The following CEP250 variants were observed in gnomAD, a reference collection of about 807,000 sequenced individuals.
The protein encoded by CEP250 is centrosome-associated protein CEP250.
Under a neutral mutation model 315.7 loss-of-function variants are expected in CEP250, and 242 were observed. The observed-to-expected ratio is 0.77, with a 90% CI of 0.69 to 0.85. CEP250 has a LOEUF of 0.85. CEP250 is among the 40% of genes least tolerant of loss of function. The pLI is 0.00. For missense variants in CEP250, 2,515 were observed against 2,886.4 expected (o/e 0.87, Z 2.95); for synonymous variants, 1,088 against 1,175.0 (o/e 0.93, Z 1.51).
intron 17 of CEP250, among the ~76,000 whole-genome samples, 181 bp downstream of exon 17, chr20:35,478,282 T>C (rs1229126354): frequency 2.0e-5 from 3 of 152,122 alleles, no homozygotes. Flanking sequence ...AATTCTTCAC[T>C]GAGGCTGGGC....
rs184496188 is a variant in CEP250 at position 35,469,589 on chromosome 20, G to A, written c.852-301G>A. On this transcript the variant is annotated intron_variant, in intron 9 of 34. Coordinates refer to ENST00000397527, the MANE Select transcript of CEP250 (RefSeq NM_007186.6). ...AGGGTGCTTGACTTCAAGATCAAGC[G>A]AGGCCTGGAAGGGCCTGGGCCAGGG... Among the ~76,000 whole-genome samples, 40 of 152,322 alleles carry A rather than the reference G, an allele frequency of 2.6e-4. No homozygotes were observed. In the East Asian group the frequency reaches 6.9e-3, roughly 26 times the overall value.
chr20:35,498,746 T>TCAG, intron 27 of CEP250, 30 bp downstream of exon 27: 1 of 1,531,838 alleles, frequency 6.5e-7, no homozygotes, highest in Non-Finnish European at 8.7e-7. Context: ...TTTCCCGAAC[T>TCAG]CTTTACATCC....
rs759819542 is a variant in CEP250 at position 35,472,834 on chromosome 20, A to G, written c.1209+3A>G. 5 of 1,613,868 alleles carry G rather than the reference A, an allele frequency of 3.1e-6. No homozygotes were observed. The South Asian group carries it at 5.5e-5, about 18-fold the overall frequency. Reference sequence around the variant, plus strand: ...CTCGGAGACGCCAGGCTGTGCAGGTAGGAACCCTCAGCATTCCACCTCAGT... The same window carrying G: ...CTCGGAGACGCCAGGCTGTGCAGGTGGGAACCCTCAGCATTCCACCTCAGT... On this transcript the variant is annotated splice_donor_region_variant and intron_variant, in intron 12 of 34. Coordinates refer to ENST00000397527, the MANE Select transcript of CEP250 (RefSeq NM_007186.6).
chr20:35,475,458 C>A, intron 14 of CEP250, 44 bp from the exon 15 acceptor site: 1 of 1,601,414 alleles, frequency 6.2e-7, no homozygotes, highest in Admixed American at 1.7e-5. Context: ...GGGTTATGGC[C>A]CATCCCTAAG....
intron 23 of CEP250, chr20:35,494,257 A>G: frequency 2.6e-6 from 1 of 382,450 alleles, no homozygotes; most frequent in South Asian, 2.9e-5. Flanking sequence ...TACAGGTGTG[A>G]GCCACCGCAC....
At chr20:35,495,355 C>G (rs573618085) in intron 24 of CEP250, among the ~76,000 whole-genome samples, 1 of 152,274 alleles carries the variant, frequency 6.6e-6, no homozygotes, top group African/African-American at 2.4e-5. Flanking sequence ...GAAATTGATA[C>G]AATCCAACTT....
In CEP250 at chr20:35,466,972, A is replaced by T. The variant is rs1468451483; in HGVS notation, c.499A>T (p.Lys167Ter). Residue 167 changes from lysine (K) to a stop codon, truncating the protein, a stop_gained, in exon 8 of 35, where the codon AAG becomes TAG. Coordinates refer to ENST00000397527, the MANE Select transcript of CEP250 (RefSeq NM_007186.6). LOFTEE classifies it high-confidence loss of function. Reference sequence around the variant, plus strand: ...TGGGTTTCTGAACACACAGTTCTTCAAGGGCTACCTGAAAGGGGAGCACGG... The same window carrying T: ...TGGGTTTCTGAACACACAGTTCTTCTAGGGCTACCTGAAAGGGGAGCACGG... ...SQWQMEQEFFKGYLKGEHGRL... is the reference protein window; with the variant it reads ...SQWQMEQEFF The T allele has an allele frequency of 6.2e-7, 1 of 1,611,170 alleles. No homozygotes were observed. The highest frequency in any genetic ancestry group is 8.5e-7 in the Non-Finnish European group (1 of 1,177,510).
At position 35,500,086 on chromosome 20, in the gene CEP250, G is replaced by A. The variant is rs770550852; in HGVS notation, c.3815G>A (p.Arg1272His). 4.3e-5 allele frequency: 70 copies of A among 1,613,936 alleles called. No individual in the cohort carries two copies. The highest frequency in any genetic ancestry group is 1.6e-4 in the Middle Eastern group (1 of 6,084). ...GATCAGGTCCAGAAACTGGAAGAGC[G>A]TCTAACTGATACTGAGGCTGAGAAG... ...LRDQVQKLEE[R>H]LTDTEAEKSQ... is the part of the protein sequence containing the mutation. The change falls in exon 28 of 35, where the codon CGT (arginine) becomes CAT (histidine). Residue 1272 changes from arginine (R) to histidine (H), a missense_variant. By Grantham distance (29) the Arg-to-His change is conservative. Transcript: ENST00000397527.
chr20:35,469,768 G>T, intron 9 of CEP250, 122 bp from the exon 10 acceptor site: 1 of 564,750 alleles, frequency 1.8e-6, no homozygotes, highest in Non-Finnish European at 3.1e-6. Context: ...GTGCCTAAGG[G>T]ATTTGGGGGA....
At chr20:35,479,540 GC>G (rs1421462930) in intron 18 of CEP250, 105 bp from the exon 19 acceptor site, 1 of 1,543,758 alleles carries the variant, frequency 6.5e-7, no homozygotes, top group Admixed American at 2.0e-5. Flanking sequence ...ATTTATAATT[GC>G]CCCCCTAACT....
intron 8 of CEP250, 87 bp downstream of exon 8, chr20:35,467,159 G>GT (rs2062901725): frequency 2.5e-6 from 3 of 1,197,196 alleles, no homozygotes; most frequent in Non-Finnish European, 3.6e-6. Flanking sequence ...GGGATCAGCT[G>GT]TGGGGGTGGG....
In CEP250 at chr20:35,504,592, C is replaced by G; in HGVS notation, c.6223C>G (p.Gln2075Glu). Residue 2075 changes from glutamine to glutamate, a missense_variant, in exon 30 of 35, where the codon CAA (glutamine) becomes GAA (glutamate). Gln to Glu is a conservative substitution (Grantham distance 29). Coordinates refer to ENST00000397527, the MANE Select transcript of CEP250 (RefSeq NM_007186.6). ...CCAGAGGGTCCAAGAGAATATGATC[C>G]AAGAGAAGCAGAATCTGGGGCAAGA... ...LAQRVQENMIQEKQNLGQERE... is the reference protein window; with the variant it reads ...LAQRVQENMIEEKQNLGQERE... 1 of 1,614,098 alleles carries G rather than the reference C, an allele frequency of 6.2e-7. No homozygotes were observed. The highest frequency in any genetic ancestry group is 8.5e-7 in the Non-Finnish European group (1 of 1,180,018).
At chr20:35,492,912 G>C (rs1161898787) in intron 22 of CEP250, among the ~76,000 whole-genome samples, 1 of 152,026 alleles carries the variant, frequency 6.6e-6, no homozygotes, top group Non-Finnish European at 1.5e-5. Context: ...ATTTTTAGTG[G>C]AGAAAGGGTT....
chr20:35,463,979 A>G lies in CEP250; in HGVS notation c.243+348A>G, dbSNP rs78170101. Among the ~76,000 whole-genome samples, 1,402 of 152,310 alleles carry G rather than the reference A, an allele frequency of 9.2e-3. 16 individuals carry two copies. Among genetic ancestry groups the G allele is most frequent in the African/African-American group, 0.031 (1,297 of 41,568 alleles). On this transcript the variant is annotated intron_variant, in intron 5 of 34. Transcript: ENST00000397527. ...TCTGCAGCAAAGGGATGTCTGTGCT[A>G]TTAGAACTGGCTTTGAAAAACCCAT...
intron 27 of CEP250, among the ~76,000 whole-genome samples, chr20:35,499,003 G>A (rs769216863): frequency 3.3e-5 from 5 of 152,100 alleles, no homozygotes; most frequent in Non-Finnish European, 5.9e-5. Flanking sequence ...GGCCAGGCAC[G>A]GTGGCTCATG....
At chr20:35,475,029 C>T (rs76864038) in intron 14 of CEP250, among the ~76,000 whole-genome samples, 2,045 of 152,224 alleles carry the variant, frequency 0.013, 56 homozygotes, top group African/African-American at 0.047. Context: ...GAAGGGCAGA[C>T]AACCCCTAAC....
At chr20:35,497,256 C>G (rs2063864565) in intron 25 of CEP250, among the ~76,000 whole-genome samples, 1 of 152,168 alleles carries the variant, frequency 6.6e-6, no homozygotes, top group Admixed American at 6.5e-5. Context: ...TGTAAGCTTT[C>G]TAATTGTGTG....
In CEP250 at chr20:35,500,056, T is replaced by A; in HGVS notation, c.3785T>A (p.Leu1262Gln). 1 of 1,614,136 alleles carries A rather than the reference T, an allele frequency of 6.2e-7. No homozygotes were observed. Among genetic ancestry groups the A allele is most frequent in the Non-Finnish European group, 8.5e-7 (1 of 1,179,986 alleles). ...ATGCCCTTCCTTTCCCAGGATGTTC[T>A]GAGGGATCAGGTCCAGAAACTGGAA... is the stretch of plus-strand genomic sequence containing the variant. ...LWKTQQTRDV[L>Q]RDQVQKLEER... is the part of the protein sequence containing the mutation. The change falls in exon 28 of 35, where the codon CTG (leucine) becomes CAG (glutamine). Residue 1262 changes from leucine to glutamine, a missense_variant. Leu to Gln is a moderately radical substitution (Grantham distance 113). Coordinates refer to ENST00000397527, the MANE Select transcript of CEP250 (RefSeq NM_007186.6).
At chr20:35,492,308 TGGTGGGGAATGG>T (rs1015897497) in intron 22 of CEP250, among the ~76,000 whole-genome samples, 4 of 151,844 alleles carry the variant, frequency 2.6e-5, no homozygotes, top group Admixed American at 6.6e-5. Context: ...AACAGATTTA[TGGTGGGGAATGG>T]GGTGGGGAAT....
Sources: gnomAD v4.1 joint callset for allele counts (sites outside exome capture counted in the v4.1 genomes callset) on GRCh38, gnomAD v4.1.1 for gene constraint, MANE v1.5 for transcripts, NCBI Gene and HGNC (gene_info 2026-07-23, HGNC 2026-07-21) for gene names.